The following ZNF804B variants were observed in gnomAD, a reference collection of about 807,000 sequenced individuals.
ZNF804B encodes the protein zinc finger 804B.
A neutral mutation model predicts 101.4 loss-of-function variants in ZNF804B; 80 were observed. That is an observed-to-expected ratio of 0.79 (90% CI 0.66 to 0.95). The LOEUF is 0.95. ZNF804B is among the 40% of genes least tolerant of loss of function. The probability of loss-of-function intolerance (pLI) is 0.00; values close to 1 mark genes in which losing one functional copy is unlikely to be tolerated. For synonymous variants in ZNF804B, 622 were observed against 558.8 expected (o/e 1.11, Z -1.59); for missense variants, 1,673 against 1,561.9 (o/e 1.07, Z -1.20).
intron 1 of ZNF804B, among the ~76,000 whole-genome samples, chr7:89,205,381 C>G (rs1157948704): frequency 6.6e-6 from 1 of 152,134 alleles, no homozygotes; most frequent in East Asian, 1.9e-4. Flanking sequence ...AGTTCAAATC[C>G]AAAGTCTCAT....
chr7:89,050,791 GA>G (rs879761321), intron 1 of ZNF804B, among the ~76,000 whole-genome samples: 3 of 152,152 alleles, frequency 2.0e-5, no homozygotes, highest in South Asian at 2.1e-4. Flanking sequence ...GATGAACAGA[GA>G]AAAAGCTAAT....
chr7:89,043,532 C>T (rs539351334), intron 1 of ZNF804B, among the ~76,000 whole-genome samples: 58 of 152,258 alleles, frequency 3.8e-4, no homozygotes, highest in African/African-American at 1.4e-3. Flanking sequence ...GGAATAATGT[C>T]ATTGAGAAAC....
In ZNF804B at chr7:89,085,877, A is replaced by G. The variant is rs73391258; in HGVS notation, c.109-132278A>G. Among the ~76,000 whole-genome samples the G allele has an allele frequency of 7.4e-3, 1,122 of 152,138 alleles. 16 individuals carry two copies. Among genetic ancestry groups the G allele is most frequent in the African/African-American group, 0.025 (1,027 of 41,538 alleles). ...AGATTTAATGGGTTATCTTCCAACT[A>G]TGACAATCCCTCAAAAATATAATAG... On this transcript the variant is annotated intron_variant, in intron 1 of 3. Transcript: ENST00000333190.
intron 2 of ZNF804B, among the ~76,000 whole-genome samples, chr7:89,288,252 A>C (rs1790236682): frequency 6.6e-6 from 1 of 152,268 alleles, no homozygotes; most frequent in East Asian, 1.9e-4. Flanking sequence ...CGATAAGAAT[A>C]TGAAAATGTG....
At chr7:89,099,642 C>T (rs966156985) in intron 1 of ZNF804B, among the ~76,000 whole-genome samples, 2 of 152,092 alleles carry the variant, frequency 1.3e-5, no homozygotes, top group Non-Finnish European at 2.9e-5. Context: ...GTCATGTCCA[C>T]AATTTGGGGG....
intron 1 of ZNF804B, among the ~76,000 whole-genome samples, chr7:89,017,972 C>A (rs1446123467): frequency 6.6e-6 from 1 of 152,230 alleles, no homozygotes; most frequent in Non-Finnish European, 1.5e-5. Context: ...GAGGAACAAG[C>A]TGACTTCTTC....
At chr7:89,246,397 A>C (rs1789447572) in intron 2 of ZNF804B, among the ~76,000 whole-genome samples, 1 of 151,814 alleles carries the variant, frequency 6.6e-6, no homozygotes, top group Non-Finnish European at 1.5e-5. Context: ...CATTTGGAAC[A>C]CCTGCTTGCC....
chr7:89,260,021 A>G (rs1164676985), intron 2 of ZNF804B, among the ~76,000 whole-genome samples: 1 of 152,072 alleles, frequency 6.6e-6, no homozygotes, highest in Non-Finnish European at 1.5e-5. Context: ...AGAGAGGGAG[A>G]GAGGGAGAGA....
At chr7:88,926,068 G>C (rs1009526779) in intron 1 of ZNF804B, among the ~76,000 whole-genome samples, 1 of 152,096 alleles carries the variant, frequency 6.6e-6, no homozygotes, top group African/African-American at 2.4e-5. Flanking sequence ...TCTTGTTCTA[G>C]ACCAAGTCAT....
At chr7:89,045,419 C>T (rs1789090096) in intron 1 of ZNF804B, among the ~76,000 whole-genome samples, 1 of 152,158 alleles carries the variant, frequency 6.6e-6, no homozygotes. Flanking sequence ...CTCCAGACCC[C>T]AGAATGTTAG....
intron 1 of ZNF804B, among the ~76,000 whole-genome samples, chr7:89,077,540 A>G (rs1418105209): frequency 6.6e-6 from 1 of 152,194 alleles, no homozygotes; most frequent in Non-Finnish European, 1.5e-5. Context: ...AATAATTGAA[A>G]GGAAGAGGAA....
chr7:88,983,773 C>T (rs914020367), intron 1 of ZNF804B, among the ~76,000 whole-genome samples: 4 of 151,860 alleles, frequency 2.6e-5, no homozygotes, highest in Non-Finnish European at 5.9e-5. Context: ...ATATGGTTCA[C>T]ATTATATTTC....
chr7:88,899,927 T>C (rs1792363243), intron 1 of ZNF804B, among the ~76,000 whole-genome samples: 1 of 152,192 alleles, frequency 6.6e-6, no homozygotes, highest in Non-Finnish European at 1.5e-5. Flanking sequence ...GGATTTCATA[T>C]GTAGGTTAAA....
intron 1 of ZNF804B, among the ~76,000 whole-genome samples, chr7:88,803,801 G>A (rs1790644201): frequency 6.6e-6 from 1 of 152,088 alleles, no homozygotes; most frequent in Non-Finnish European, 1.5e-5. Flanking sequence ...AAATTTGGTA[G>A]TTGTCTGCAT....
chr7:88,877,049 A>ATTTATATTTTTT (rs1791962823), intron 1 of ZNF804B, among the ~76,000 whole-genome samples: 1 of 13,912 alleles, frequency 7.2e-5, no homozygotes, highest in African/African-American at 4.3e-4. Context: ...ATATATATAT[A>ATTTATATTTTTT]TTTTTTTTTT....
At chr7:89,259,625 A>G (rs1789681991) in intron 2 of ZNF804B, among the ~76,000 whole-genome samples, 5 of 152,146 alleles carry the variant, frequency 3.3e-5, no homozygotes, top group Admixed American at 3.3e-4. Flanking sequence ...CTGATTTAGC[A>G]AGTAGACTAA....
chr7:88,803,899 C>A (rs980758619), intron 1 of ZNF804B, among the ~76,000 whole-genome samples: 2 of 151,894 alleles, frequency 1.3e-5, no homozygotes, highest in Admixed American at 6.6e-5. Context: ...TATGGAACAT[C>A]CAGTTTTAGG....
At chr7:89,122,680 G>T (rs1345733216) in intron 1 of ZNF804B, among the ~76,000 whole-genome samples, 1 of 151,930 alleles carries the variant, frequency 6.6e-6, no homozygotes, top group East Asian at 1.9e-4. Flanking sequence ...GAGTATTATT[G>T]GTGTGGTTTT....
At chr7:88,887,746 A>C (rs1318383983) in intron 1 of ZNF804B, among the ~76,000 whole-genome samples, 5 of 138,162 alleles carry the variant, frequency 3.6e-5, no homozygotes, top group Admixed American at 7.3e-5. Flanking sequence ...GCATGAGTTC[A>C]TTGTAAAAAA....
Sources: gnomAD v4.1 joint callset for allele counts (sites outside exome capture counted in the v4.1 genomes callset) on GRCh38, gnomAD v4.1.1 for gene constraint, MANE v1.5 for transcripts, NCBI Gene and HGNC (gene_info 2026-07-23, HGNC 2026-07-21) for gene names.